AMMECR1L: variants seen among roughly 807,000 people sequenced by gnomAD.
AMMECR1L encodes AMMECR1-like protein.
AMMECR1L carries 4 observed loss-of-function variants against 36.8 expected under a neutral mutation model. The observed-to-expected ratio is 0.11, with a 90% CI of 0.05 to 0.25. The LOEUF (loss-of-function observed/expected upper bound fraction) is 0.25, where lower values mean the gene tolerates loss of function less well. Ranked by LOEUF, AMMECR1L falls within the 10% of genes least tolerant of loss-of-function variation. The pLI is 1.00. For missense variants in AMMECR1L, 232 were observed against 392.1 expected (o/e 0.59, Z 3.45); for synonymous variants, 147 against 148.0 (o/e 0.99, Z 0.05).
chr2:127,865,003 G>A lies in AMMECR1L; in HGVS notation c.*91C>T. Reference sequence around the variant, plus strand: ...ATCATAAAATGGTGCAGTAATAGAAGTAACTGGACCAGGAAGAGGAGGCAT... The same window carrying A: ...ATCATAAAATGGTGCAGTAATAGAAATAACTGGACCAGGAAGAGGAGGCAT... On this transcript the variant is annotated 3_prime_UTR_variant, in exon 8 of 8. Transcript: ENST00000272647. This position sits in a 1 kb window ranked among gnomAD's most constrained non-coding sequence, Gnocchi z 5.4. 1 of 855,418 alleles carries A rather than the reference G, an allele frequency of 1.2e-6. No individual in the cohort carries two copies. The highest frequency in any genetic ancestry group is 1.6e-5 in the South Asian group (1 of 60,624). The allele number at this position is 855,418 out of a possible 1,614,324, so 53.0% of individuals were successfully genotyped here.
intron 2 of AMMECR1L, among the ~76,000 whole-genome samples, chr2:127,877,005 G>A (rs1008664928): frequency 3.5e-5 from 5 of 144,316 alleles, no homozygotes; most frequent in African/African-American, 5.2e-5. Flanking sequence ...CAATAAGAGC[G>A]AAACTCTGTC....
rs763341858 is a variant in AMMECR1L at position 127,869,400 on chromosome 2, A to T, written c.724+54T>A. On this transcript the variant is annotated intron_variant, in intron 6 of 7. Coordinates refer to ENST00000272647, the MANE Select transcript of AMMECR1L (RefSeq NM_001199140.2). The surrounding 1 kb of genome is among the most constrained non-coding windows in gnomAD (Gnocchi z 4.7). ...ACACACTTCACTTTCTTGCCCTTTA[A>T]CTGGCACCACTGTGAATGATACTTG... The T allele has an allele frequency of 2.0e-6, 3 of 1,529,228 alleles. No homozygotes were observed. The highest frequency in any genetic ancestry group is 2.7e-6 in the Non-Finnish European group (3 of 1,102,918). The allele number at this position is 1,529,228 out of a possible 1,614,324, so 94.7% of individuals were successfully genotyped here.
intron 2 of AMMECR1L, among the ~76,000 whole-genome samples, chr2:127,880,423 C>T (rs1371339809): frequency 6.6e-6 from 1 of 152,184 alleles, no homozygotes; most frequent in Non-Finnish European, 1.5e-5. Context: ...TTAAGACCTC[C>T]TAACCTTGCA....
chr2:127,885,223 A>G lies in AMMECR1L; in HGVS notation c.-149+587T>C, dbSNP rs922968677. 3.0e-5 allele frequency: 30 copies of G among 985,090 alleles called. 1 individual carries two copies. In the African/African-American group the frequency reaches 5.1e-4, roughly 17 times the overall value. 61.0% of individuals were successfully genotyped at this position (985,090 alleles called of 1,614,324 possible). A position where few individuals can be genotyped will look rare whatever the true frequency, so the allele number is the denominator to read the frequency against. ...GGAGGAGGAGAAAGTGCGCGTGTGA[A>G]GAGTGTTAAGAAAACGACAGGACAG... On this transcript the variant is annotated intron_variant, in intron 1 of 7. Transcript: ENST00000272647.
chr2:127,885,403 G>A (rs1467196802), intron 1 of AMMECR1L: 2 of 963,086 alleles, frequency 2.1e-6, no homozygotes, highest in Non-Finnish European at 2.5e-6. Context: ...CCAGACGCCG[G>A]GCGGGGGAGG....
At chr2:127,881,646 G>T (rs1466019020) in intron 2 of AMMECR1L, among the ~76,000 whole-genome samples, 1 of 152,192 alleles carries the variant, frequency 6.6e-6, no homozygotes, top group African/African-American at 2.4e-5. Context: ...TGGCAGTTCT[G>T]TGGCACATAA....
chr2:127,871,645 C>G lies in AMMECR1L; in HGVS notation c.408-286G>C, dbSNP rs1690971002. On this transcript the variant is annotated intron_variant, in intron 3 of 7. Coordinates refer to ENST00000272647, the MANE Select transcript of AMMECR1L (RefSeq NM_001199140.2). This position sits in a 1 kb window ranked among gnomAD's most constrained non-coding sequence, Gnocchi z 4.3. ...CGCCAAATTTACATGCTACTTTCCT[C>G]TTTCTCTGCCCAAGACTCAACTTTT... Among the ~76,000 whole-genome samples, 2 of 152,184 alleles carry G rather than the reference C, an allele frequency of 1.3e-5. No individual in the cohort carries two copies. Among genetic ancestry groups the G allele is most frequent in the Admixed American group, 1.3e-4 (2 of 15,282 alleles).
At chr2:127,878,763 C>T (rs989296708) in intron 2 of AMMECR1L, among the ~76,000 whole-genome samples, 2 of 152,234 alleles carry the variant, frequency 1.3e-5, no homozygotes, top group Non-Finnish European at 2.9e-5. Context: ...CAACCACAAT[C>T]TTTGGCCCTT....
In AMMECR1L at chr2:127,873,732, A is replaced by G. The variant is rs1691099150; in HGVS notation, c.407+96T>C. 1 of 1,590,912 alleles carries G rather than the reference A, an allele frequency of 6.3e-7. No homozygotes were observed. The highest frequency in any genetic ancestry group is 8.5e-7 in the Non-Finnish European group (1 of 1,175,036). The stretch of plus-strand genomic sequence containing the variant: ...TCCCATTACCCTTTCCTCAAATGAT[A>G]ATAAAGACTTCCAAGTAGCAGACCC... On this transcript the variant is annotated intron_variant, in intron 3 of 7. Transcript: ENST00000272647. The surrounding 1 kb of genome is among the most constrained non-coding windows in gnomAD (Gnocchi z 5.2).
In AMMECR1L at chr2:127,885,266, C is replaced by A. The variant is rs539242193; in HGVS notation, c.-149+544G>T. ...CAGGACAGAGCGGGGAGGGGAAAAGCGGGCCGAGGGACAGGGTGAAAGGTG... is the reference window on the plus strand; with the variant it reads ...CAGGACAGAGCGGGGAGGGGAAAAGAGGGCCGAGGGACAGGGTGAAAGGTG... On this transcript the variant is annotated intron_variant, in intron 1 of 7. Coordinates refer to ENST00000272647, the MANE Select transcript of AMMECR1L (RefSeq NM_001199140.2). 134 of 982,898 alleles carry A rather than the reference C, an allele frequency of 1.4e-4. 2 individuals are homozygous for A. In the South Asian group the frequency reaches 5.4e-3, roughly 39 times the overall value. 60.9% of individuals were successfully genotyped at this position (982,898 alleles called of 1,614,324 possible).
intron 2 of AMMECR1L, among the ~76,000 whole-genome samples, chr2:127,880,307 C>A (rs1306352073): frequency 6.6e-6 from 1 of 152,152 alleles, no homozygotes; most frequent in Non-Finnish European, 1.5e-5. Flanking sequence ...CCATTAGGAC[C>A]ACCAATAAGA....
At chr2:127,868,267 A>G (rs1690788877) in intron 6 of AMMECR1L, among the ~76,000 whole-genome samples, 1 of 152,178 alleles carries the variant, frequency 6.6e-6, no homozygotes, top group African/African-American at 2.4e-5. Context: ...TTTTCCAACC[A>G]ACTTTCAAAT....
chr2:127,870,734 T>C (rs1317051774), intron 5 of AMMECR1L, 80 bp downstream of exon 5: 6 of 1,073,770 alleles, frequency 5.6e-6, no homozygotes, highest in Non-Finnish European at 8.1e-6. Flanking sequence ...TTTCTCTCAA[T>C]GAAGGAGATA....
At chr2:127,885,524 G>A (rs1471423075) in intron 1 of AMMECR1L, 3 of 984,472 alleles carry the variant, frequency 3.0e-6, no homozygotes, top group African/African-American at 1.8e-5. Context: ...CAAGGACCAG[G>A]AGCGGGAGCC....
rs1690974747 is a variant in AMMECR1L, at chr2:127,871,711, T to C, written c.408-352A>G. On this transcript the variant is annotated intron_variant, in intron 3 of 7. Transcript: ENST00000272647. The surrounding 1 kb of genome is among the most constrained non-coding windows in gnomAD (Gnocchi z 4.3). ...GTTTCCTCTTCCCTAAGTCTATTTA[T>C]CCAGGTAGCCATGCTCCCCCGCTCC... Among the ~76,000 whole-genome samples, 1 of 152,118 alleles carries C rather than the reference T, an allele frequency of 6.6e-6. No individual in the cohort carries two copies. Among genetic ancestry groups the C allele is most frequent in the African/African-American group, 2.4e-5 (1 of 41,406 alleles).
Position 127,874,381 on chromosome 2 carries a change from T to C in AMMECR1L, c.-38-109A>G. On this transcript the variant is annotated intron_variant, in intron 2 of 7. Coordinates refer to ENST00000272647, the MANE Select transcript of AMMECR1L (RefSeq NM_001199140.2). This position sits in a 1 kb window ranked among gnomAD's most constrained non-coding sequence, Gnocchi z 5.2. ...TGACCAGCTAAGAGCTGTCAAATTC[T>C]TTCTCCCACTCAACCTCCAGGTCAC... 5 of 1,035,654 alleles carry C rather than the reference T, an allele frequency of 4.8e-6. No homozygotes were observed. Among genetic ancestry groups the C allele is most frequent in the Non-Finnish European group, 5.5e-6 (4 of 730,802 alleles). 64.2% of individuals were successfully genotyped at this position (1,035,654 alleles called of 1,614,324 possible).
At chr2:127,870,243 G>A (rs112267385) in intron 5 of AMMECR1L, among the ~76,000 whole-genome samples, 1 of 124 alleles carries the variant, frequency 8.1e-3, no homozygotes, top group Non-Finnish European at 0.019. Flanking sequence ...TGAACCCAGG[G>A]GTGGAGGTTG....
chr2:127,871,481 C>T lies in AMMECR1L; in HGVS notation c.408-122G>A, dbSNP rs1462101425. 2.0e-5 allele frequency: 19 copies of T among 962,596 alleles called. No individual in the cohort carries two copies. Among genetic ancestry groups the T allele is most frequent in the Non-Finnish European group, 2.8e-5 (18 of 643,406 alleles). The allele number at this position is 962,596 out of a possible 1,614,324, so 59.6% of individuals were successfully genotyped here. ...CCAAAAATCCCTGTTTTTGGACTTG[C>T]CAGCTACCCGAAGGACTCTCTGCCT... On this transcript the variant is annotated intron_variant, in intron 3 of 7. Transcript: ENST00000272647. The surrounding 1 kb of genome is among the most constrained non-coding windows in gnomAD (Gnocchi z 4.3).
intron 6 of AMMECR1L, among the ~76,000 whole-genome samples, chr2:127,867,784 G>A (rs1690758646): frequency 6.6e-6 from 1 of 152,008 alleles, no homozygotes; most frequent in Non-Finnish European, 1.5e-5. Context: ...AAGAGGAAGA[G>A]GAAGAGGAAG....
Sources: allele counts gnomAD v4.1 joint callset (sites outside exome capture counted in the v4.1 genomes callset), GRCh38; gene constraint gnomAD v4.1.1; non-coding constraint Gnocchi (gnomAD v3.1); transcripts MANE v1.5; gene names NCBI Gene and HGNC (gene_info 2026-07-23, HGNC 2026-07-21).